Variants in LYPD6 observed in about 807,000 individuals in gnomAD.
The protein encoded by LYPD6 is ly6/PLAUR domain-containing protein 6.
A neutral mutation model predicts 22.7 loss-of-function variants in LYPD6; 15 were observed. The ratio of observed to expected loss-of-function variants is 0.66; its 90% confidence interval spans 0.44 to 1.02. The LOEUF is 1.02. Ranked by LOEUF, LYPD6 falls within the 50% of genes least tolerant of loss-of-function variation. The pLI is 0.00. For synonymous variants in LYPD6, 72 were observed against 77.5 expected, an observed-to-expected ratio of 0.93 and a Z score of 0.37; for missense variants, 189 against 208.4, an observed-to-expected ratio of 0.91 and a Z score of 0.57.
At chr2:149,464,127 A>C (rs1054708558) in intron 3 of LYPD6, 1 of 401,374 alleles carries the variant, frequency 2.5e-6, no homozygotes, top group Non-Finnish European at 4.9e-6. Flanking sequence ...AAAAAAAAAA[A>C]CAGTTTAAAC....
At chr2:149,391,997 A>G (rs1682321014) in intron 1 of LYPD6, among the ~76,000 whole-genome samples, 2 of 152,178 alleles carry the variant, frequency 1.3e-5, no homozygotes, top group African/African-American at 4.8e-5. Flanking sequence ...TTATTTTCCC[A>G]TAGTTCTGGA....
chr2:149,435,979 C>G (rs1683422475), intron 1 of LYPD6, among the ~76,000 whole-genome samples: 3 of 152,200 alleles, frequency 2.0e-5, no homozygotes, highest in African/African-American at 7.2e-5. Flanking sequence ...AGTTATAATA[C>G]TATTCACTTA....
chr2:149,389,787 C>G (rs544072955), intron 1 of LYPD6, among the ~76,000 whole-genome samples: 17 of 152,266 alleles, frequency 1.1e-4, no homozygotes, highest in African/African-American at 4.1e-4. Context: ...GTCAGACACT[C>G]CCCCTGCTCC....
chr2:149,485,563 A>T, the LYPD6 span, among the ~76,000 whole-genome samples: 1 of 152,104 alleles, frequency 6.6e-6, no homozygotes, highest in African/African-American at 2.4e-5. Context: ...AGCTGTCAGC[A>T]TATGTGGACC....
chr2:149,377,202 C>CT (rs113079309), intron 1 of LYPD6, among the ~76,000 whole-genome samples: 71 of 145,134 alleles, frequency 4.9e-4, no homozygotes, highest in South Asian at 1.3e-3. Flanking sequence ...TTCTTTTTTC[C>CT]TTTTTTTTTT....
At chr2:149,477,467 A>G (rs900022966), downstream of LYPD6, among the ~76,000 whole-genome samples, 4 of 152,010 alleles carry the variant, frequency 2.6e-5, no homozygotes, top group Admixed American at 2.6e-4. Context: ...TACTAAAAAA[A>G]CAAAAATTAG....
At chr2:149,434,035 G>T (rs554566954) in intron 1 of LYPD6, among the ~76,000 whole-genome samples, 45 of 152,134 alleles carry the variant, frequency 3.0e-4, no homozygotes, top group African/African-American at 1.0e-3. Flanking sequence ...TGTTACATAG[G>T]TATACATGTG....
chr2:149,449,127 C>T lies in LYPD6; in HGVS notation c.197C>T (p.Pro66Leu), dbSNP rs1683753692. The change falls in exon 3 of 5, where the codon CCA (proline) becomes CTA (leucine). Residue 66 changes from proline (P) to leucine (L), a missense_variant. By Grantham distance (98) the Pro-to-Leu change is moderately conservative. Transcript: ENST00000334166. ...AATTATGAGTGCAACCGATGGGCTC[C>T]AGACATCTACTGCCCTCGAGGTAAA... ...ADNYECNRWA[P>L]DIYCPRETRY... 1 of 1,612,528 alleles carries T rather than the reference C, an allele frequency of 6.2e-7. No homozygotes were observed. The highest frequency in any genetic ancestry group is 1.3e-5 in the African/African-American group (1 of 74,894).
downstream of LYPD6, among the ~76,000 whole-genome samples, chr2:149,475,572 T>C (rs1466119354): frequency 5.9e-5 from 9 of 152,244 alleles, no homozygotes; most frequent in Non-Finnish European, 2.9e-5. Flanking sequence ...GCCTTTCTCA[T>C]TAGCAATTAC....
intron 1 of LYPD6, among the ~76,000 whole-genome samples, chr2:149,430,662 A>G (rs1198186425): frequency 6.6e-6 from 1 of 152,242 alleles, no homozygotes; most frequent in Non-Finnish European, 1.5e-5. Flanking sequence ...CTGTTTGAAT[A>G]GCATTGAAAT....
At chr2:149,332,882 A>G (rs1192194037) in intron 1 of LYPD6, among the ~76,000 whole-genome samples, 1 of 152,226 alleles carries the variant, frequency 6.6e-6, no homozygotes, top group African/African-American at 2.4e-5. Flanking sequence ...TTTCAAAGAG[A>G]TACGTTATTT....
chr2:149,477,209 A>T (rs1316741867), downstream of LYPD6, among the ~76,000 whole-genome samples: 1 of 152,206 alleles, frequency 6.6e-6, no homozygotes, highest in East Asian at 1.9e-4. Flanking sequence ...ACTGCCCTAA[A>T]TACCAAGTGT....
chr2:149,369,847 G>C (rs886240694), intron 1 of LYPD6, among the ~76,000 whole-genome samples: 3 of 152,112 alleles, frequency 2.0e-5, no homozygotes, highest in Non-Finnish European at 4.4e-5. Flanking sequence ...TCATTTAGAC[G>C]GGTAAGGCAT....
At chr2:149,334,680 A>G (rs1259632092) in intron 1 of LYPD6, among the ~76,000 whole-genome samples, 1 of 152,002 alleles carries the variant, frequency 6.6e-6, no homozygotes, top group East Asian at 1.9e-4. Flanking sequence ...ACTGGGGGCC[A>G]AGAAACCAGA....
chr2:149,433,924 A>G lies in LYPD6; in HGVS notation c.-71-3714A>G, dbSNP rs1439360694. Among the ~76,000 whole-genome samples, 4 of 152,232 alleles carry G rather than the reference A, an allele frequency of 2.6e-5. No individual in the cohort carries two copies. The East Asian group carries it at 7.7e-4, about 29-fold the overall frequency. On this transcript the variant is annotated intron_variant, in intron 1 of 4. Coordinates refer to ENST00000334166, the MANE Select transcript of LYPD6 (RefSeq NM_194317.5). ...TTAGTGTATAATTTTATCAGAAAGG[A>G]TGTGGAATCATGATATATTGTGAAG...
At chr2:149,384,556 G>T (rs1260570760) in intron 1 of LYPD6, among the ~76,000 whole-genome samples, 1 of 152,020 alleles carries the variant, frequency 6.6e-6, no homozygotes, top group African/African-American at 2.4e-5. Flanking sequence ...ATTTGACATG[G>T]CGCCTACCAC....
At chr2:149,364,361 C>T (rs1052380849) in intron 1 of LYPD6, among the ~76,000 whole-genome samples, 2 of 152,036 alleles carry the variant, frequency 1.3e-5, no homozygotes, top group African/African-American at 4.8e-5. Flanking sequence ...TTGAAATCAC[C>T]AGGATGATGG....
intron 3 of LYPD6, among the ~76,000 whole-genome samples, chr2:149,450,544 C>A (rs2105163786): frequency 6.6e-6 from 1 of 152,236 alleles, no homozygotes; most frequent in Admixed American, 6.5e-5. Context: ...GCCTACAGGG[C>A]AGAGAAAAAC....
At chr2:149,467,156 C>G (rs930728028) in intron 3 of LYPD6, among the ~76,000 whole-genome samples, 3 of 152,182 alleles carry the variant, frequency 2.0e-5, no homozygotes, top group Non-Finnish European at 4.4e-5. Flanking sequence ...AGAAAACTTT[C>G]AACTATTCTT....
Sources: allele counts gnomAD v4.1 joint callset (sites outside exome capture counted in the v4.1 genomes callset), GRCh38; gene constraint gnomAD v4.1.1; transcripts MANE v1.5; gene names NCBI Gene and HGNC (gene_info 2026-07-23, HGNC 2026-07-21).